FCGR2A: variants seen among roughly 807,000 people sequenced by gnomAD.
The protein encoded by FCGR2A is low affinity immunoglobulin gamma Fc region receptor II-a.
FCGR2A carries 18 observed loss-of-function variants against 29.3 expected under a neutral mutation model. The observed-to-expected ratio is 0.62, with a 90% confidence interval of 0.43 to 0.91. The LOEUF (loss-of-function observed/expected upper bound fraction) is 0.91. Among genes scored for constraint, FCGR2A ranks in the 40% least tolerant of loss-of-function variants. FCGR2A has a pLI of 0.00. For synonymous variants in FCGR2A, 126 were observed against 144.8 expected (o/e 0.87, Z 0.93); for missense variants, 287 against 393.0 (o/e 0.73, Z 2.28).
rs780647510 is a variant in FCGR2A at position 161,518,196 on chromosome 1, T to C, written c.*48T>C. The C allele has an allele frequency of 6.3e-7, 1 of 1,581,522 alleles. No homozygotes were observed. Among genetic ancestry groups the C allele is most frequent in the Non-Finnish European group, 8.6e-7 (1 of 1,166,360 alleles). ...TCATACTCTCAGCTTGCTGAGTGGATGACAAAAAGAGGGGAATTGTTAAAG... is the reference window on the plus strand; with the variant it reads ...TCATACTCTCAGCTTGCTGAGTGGACGACAAAAAGAGGGGAATTGTTAAAG... On this transcript the variant is annotated 3_prime_UTR_variant, in exon 7 of 7. Coordinates refer to ENST00000271450, the MANE Select transcript of FCGR2A (RefSeq NM_001136219.3).
intron 6 of FCGR2A, among the ~76,000 whole-genome samples, chr1:161,515,772 A>G (rs1426491853): frequency 1.3e-5 from 2 of 152,190 alleles, no homozygotes; most frequent in African/African-American, 2.4e-5. Flanking sequence ...TTAGTTTTAT[A>G]TTATTATACC....
downstream of FCGR2A, chr1:161,523,888 G>T (rs905046455): frequency 6.6e-6 from 1 of 152,092 alleles, no homozygotes; most frequent in African/African-American, 2.4e-5. Flanking sequence ...CGCGTGGCAG[G>T]CGAGAATTCT....
chr1:161,515,431 T>C lies in FCGR2A; in HGVS notation c.780+1499T>C, dbSNP rs1380517363. ...CACTAAGGCTAAAAATAATAAAAAC[T>C]AATTGGAAATAGGCCAGATAAACTA... On this transcript the variant is annotated intron_variant, in intron 6 of 6. Coordinates refer to ENST00000271450, the MANE Select transcript of FCGR2A (RefSeq NM_001136219.3). Among the ~76,000 whole-genome samples, 4 of 152,066 alleles carry C rather than the reference T, an allele frequency of 2.6e-5. No homozygotes were observed. The East Asian group carries it at 7.7e-4, about 29-fold the overall frequency.
downstream of FCGR2A, chr1:161,523,876 C>T (rs967517870): frequency 6.6e-6 from 1 of 152,000 alleles, no homozygotes; most frequent in African/African-American, 2.4e-5. Flanking sequence ...ACCCGGGCCT[C>T]CCGCGTGGCA....
rs944977866 is a variant in FCGR2A, at chr1:161,509,892, G to A, written c.437G>A (p.Trp146Ter). 4.3e-6 allele frequency: 7 copies of A among 1,614,054 alleles called. No individual in the cohort carries two copies. The highest frequency in any genetic ancestry group is 1.3e-5 in the African/African-American group (1 of 74,906). The change falls in exon 4 of 7, where the codon TGG (tryptophan) becomes TAG (stop). Residue 146 changes from tryptophan to a stop codon, truncating the protein, a stop_gained. Coordinates refer to ENST00000271450, the MANE Select transcript of FCGR2A (RefSeq NM_001136219.3). LOFTEE classifies it high-confidence loss of function. Reference protein sequence around the residue: ...GETIMLRCHSWKDKPLVKVTF... With the variant: ...GETIMLRCHS ...ACCATCATGCTGAGGTGCCACAGCT[G>A]GAAGGACAAGCCTCTGGTCAAGGTC...
chr1:161,510,225 A>T (rs1473685078), intron 4 of FCGR2A, 151 bp downstream of exon 4: 2 of 1,389,614 alleles, frequency 1.4e-6, no homozygotes, highest in Admixed American at 4.9e-5. Context: ...CTGGCTAAGT[A>T]TTGACCAACA....
Position 161,511,014 on chromosome 1 carries a change from C to A in FCGR2A, c.742+58C>A. 3 of 1,612,802 alleles carry A rather than the reference C, an allele frequency of 1.9e-6. No individual in the cohort carries two copies. The South Asian group carries it at 3.3e-5, about 18-fold the overall frequency. Reference sequence around the variant, plus strand: ...AGTTTCCATTTGGCCCAGGGCCTAACCCCAGACATTGCCAGAATCCCGCTC... The same window carrying A: ...AGTTTCCATTTGGCCCAGGGCCTAAACCCAGACATTGCCAGAATCCCGCTC... On this transcript the variant is annotated intron_variant, in intron 5 of 6. Coordinates refer to ENST00000271450, the MANE Select transcript of FCGR2A (RefSeq NM_001136219.3).
At chr1:161,523,947 C>G (rs41297672), downstream of FCGR2A, 1 of 153,284 alleles carries the variant, frequency 6.5e-6, no homozygotes, top group South Asian at 2.0e-4. Context: ...GCAGTATTGT[C>G]TCTTAAAGCT....
At chr1:161,521,006 G>A (rs1262244640), downstream of FCGR2A, among the ~76,000 whole-genome samples, 3 of 150,510 alleles carry the variant, frequency 2.0e-5, no homozygotes, top group East Asian at 5.9e-4. Context: ...TTTCTGGAAT[G>A]TTCTTTCTCA....
At chr1:161,523,463 T>G (rs1676532451), downstream of FCGR2A, 1 of 152,036 alleles carries the variant, frequency 6.6e-6, no homozygotes. Context: ...CCTGCAGTAG[T>G]TTACTCTCCA....
chr1:161,508,317 A>G (rs1480216490), intron 3 of FCGR2A, among the ~76,000 whole-genome samples: 1 of 149,396 alleles, frequency 6.7e-6, no homozygotes, highest in Non-Finnish European at 1.5e-5. Context: ...GGCCAGGCAC[A>G]GTGGCTCATG....
chr1:161,506,578 G>C lies in FCGR2A; in HGVS notation c.351G>C (p.Leu117=). The change falls in exon 3 of 7, where the codon CTG becomes CTC. Residue 117 remains leucine (L), a synonymous_variant. Transcript: ENST00000271450. ...GQTSLSDPVH[L]TVLSEWLVLQ... Reference sequence around the variant, plus strand: ...CCAGCCTCAGCGACCCTGTGCATCTGACTGTGCTTTCCGGTCAGTGGAGGA... The same window carrying C: ...CCAGCCTCAGCGACCCTGTGCATCTCACTGTGCTTTCCGGTCAGTGGAGGA... 6.2e-7 allele frequency: 1 copy of C among 1,614,138 alleles called. No homozygotes were observed. The highest frequency in any genetic ancestry group is 8.5e-7 in the Non-Finnish European group (1 of 1,179,976).
At chr1:161,510,254 G>A (rs1557831939) in intron 4 of FCGR2A, 180 bp downstream of exon 4, 19 of 1,095,390 alleles carry the variant, frequency 1.7e-5, no homozygotes, top group Non-Finnish European at 2.5e-5. Context: ...CCAGAGCTTG[G>A]AGCCCTCACG....
downstream of FCGR2A, among the ~76,000 whole-genome samples, chr1:161,522,520 C>G (rs1239945360): frequency 6.6e-6 from 1 of 152,012 alleles, no homozygotes; most frequent in East Asian, 1.9e-4. Flanking sequence ...CCTTAACACG[C>G]CGGGGCACAG....
chr1:161,520,956 T>C (rs184049716), downstream of FCGR2A, among the ~76,000 whole-genome samples: 413 of 151,614 alleles, frequency 2.7e-3, 4 homozygotes, highest in African/African-American at 8.7e-3. Context: ...TCCTTGAACG[T>C]GCCAATTATA....
At chr1:161,506,114 G>A (rs1675373460) in intron 2 of FCGR2A, 107 bp downstream of exon 2, 1 of 1,356,868 alleles carries the variant, frequency 7.4e-7, no homozygotes, top group African/African-American at 1.4e-5. Context: ...TGAAAATCAA[G>A]CTTGGGTTCA....
chr1:161,523,885 C>G (rs1036111502), downstream of FCGR2A: 3 of 152,004 alleles, frequency 2.0e-5, no homozygotes, highest in African/African-American at 7.3e-5. Flanking sequence ...TCCCGCGTGG[C>G]AGGCGAGAAT....
intron 5 of FCGR2A, chr1:161,513,057 T>C (rs1438075280): frequency 6.5e-6 from 1 of 153,846 alleles, no homozygotes; most frequent in African/African-American, 2.4e-5. Context: ...GAATGGGAAT[T>C]CAGAATGTGG....
intron 6 of FCGR2A, among the ~76,000 whole-genome samples, chr1:161,514,236 T>A (rs1380552519): frequency 4.0e-5 from 6 of 151,638 alleles, no homozygotes; most frequent in Non-Finnish European, 7.4e-5. Flanking sequence ...ACTAACATAA[T>A]TATGTGACTA....
Sources: gnomAD v4.1 joint callset for allele counts (sites outside exome capture counted in the v4.1 genomes callset) on GRCh38, gnomAD v4.1.1 for gene constraint, MANE v1.5 for transcripts, NCBI Gene and HGNC (gene_info 2026-07-23, HGNC 2026-07-21) for gene names.